The following CACNA2D3 variants were observed in gnomAD, a reference collection of about 807,000 sequenced individuals.
CACNA2D3 encodes calcium voltage-gated channel auxiliary subunit alpha2delta 3, also known as voltage-dependent calcium channel subunit alpha-2/delta-3.
A neutral mutation model predicts 160.6 loss-of-function variants in CACNA2D3; 60 were observed. The observed-to-expected ratio is 0.37, with a 90% CI of 0.30 to 0.46. The LOEUF is 0.46. CACNA2D3 is among the 20% of genes least tolerant of loss of function. The probability of loss-of-function intolerance (pLI) is 1.00; values close to 1 mark genes in which losing one functional copy is unlikely to be tolerated. For synonymous variants in CACNA2D3, 558 were observed against 492.9 expected (o/e 1.13, Z -1.75); for missense variants, 1,205 against 1,365.0 (o/e 0.88, Z 1.85).
At chr3:54,840,875 A>G (rs1055206931) in intron 16 of CACNA2D3, among the ~76,000 whole-genome samples, 26 of 150,670 alleles carry the variant, frequency 1.7e-4, no homozygotes, top group Admixed American at 4.6e-4. Context: ...GGTGCCCGCC[A>G]CCACACCTGG....
chr3:54,169,753 G>GTGTGTT (rs1046004177), intron 2 of CACNA2D3, among the ~76,000 whole-genome samples: 2 of 152,026 alleles, frequency 1.3e-5, no homozygotes, highest in African/African-American at 2.4e-5. Context: ...GTGCATGTGT[G>GTGTGTT]TGTGTTTGTG....
chr3:54,386,852 T>G, intron 4 of CACNA2D3, 78 bp downstream of exon 4: 1 of 1,320,428 alleles, frequency 7.6e-7, no homozygotes. Context: ...CCAGGAATAC[T>G]GATTTTTCAG....
intron 9 of CACNA2D3, among the ~76,000 whole-genome samples, chr3:54,605,569 C>A (rs996946718): frequency 1.3e-5 from 2 of 152,296 alleles, no homozygotes; most frequent in Non-Finnish European, 2.9e-5. Context: ...CTCACCCAAC[C>A]CACCATACAG....
chr3:54,497,541 C>G (rs1355843828), intron 4 of CACNA2D3, among the ~76,000 whole-genome samples: 1 of 151,896 alleles, frequency 6.6e-6, no homozygotes, highest in Admixed American at 6.6e-5. Context: ...TAGACAAAAT[C>G]TATGTAGAAA....
chr3:55,018,402 C>A, intron 35 of CACNA2D3, 85 bp downstream of exon 35: 2 of 769,030 alleles, frequency 2.6e-6, no homozygotes, highest in Non-Finnish European at 4.6e-6. Flanking sequence ...GACTTGCAGG[C>A]ACAGTTACAC....
intron 31 of CACNA2D3, among the ~76,000 whole-genome samples, chr3:54,992,628 G>A (rs992146276): frequency 6.6e-6 from 1 of 152,004 alleles, no homozygotes; most frequent in African/African-American, 2.4e-5. Flanking sequence ...AGAGCCCCCA[G>A]CCCATCTTTT....
intron 2 of CACNA2D3, among the ~76,000 whole-genome samples, chr3:54,193,011 C>G (rs1399609927): frequency 1.3e-5 from 2 of 152,214 alleles, no homozygotes; most frequent in African/African-American, 4.8e-5. Context: ...GATGAGGAGG[C>G]TATTCATGAT....
At chr3:54,657,373 G>C (rs1699892028) in intron 11 of CACNA2D3, among the ~76,000 whole-genome samples, 1 of 152,010 alleles carries the variant, frequency 6.6e-6, no homozygotes, top group African/African-American at 2.4e-5. Flanking sequence ...TTGTTTTTGT[G>C]ATTAGAACAC....
intron 5 of CACNA2D3, among the ~76,000 whole-genome samples, chr3:54,561,509 A>G (rs758342596): frequency 6.6e-6 from 1 of 152,226 alleles, no homozygotes; most frequent in Non-Finnish European, 1.5e-5. Context: ...GTATAGGATC[A>G]TGTCATCTGT....
intron 11 of CACNA2D3, among the ~76,000 whole-genome samples, chr3:54,658,889 C>T (rs186080392): frequency 6.6e-6 from 1 of 152,166 alleles, no homozygotes; most frequent in Non-Finnish European, 1.5e-5. Context: ...TCAACTGCTG[C>T]CCCCTCATGC....
chr3:54,786,450 C>T (rs989182786), intron 13 of CACNA2D3, among the ~76,000 whole-genome samples: 1 of 152,144 alleles, frequency 6.6e-6, no homozygotes, highest in African/African-American at 2.4e-5. Context: ...CTTCTGGAGT[C>T]CCCTCCCTGC....
chr3:54,538,252 G>A (rs1489947561), intron 5 of CACNA2D3, among the ~76,000 whole-genome samples: 1 of 152,132 alleles, frequency 6.6e-6, no homozygotes, highest in Non-Finnish European at 1.5e-5. Context: ...AAGTTAAATT[G>A]ATGTGGACAT....
At chr3:54,886,488 G>T (rs2694116) in intron 23 of CACNA2D3, among the ~76,000 whole-genome samples, 119,061 of 152,114 alleles carry the variant, frequency 0.78, 47,500 homozygotes, top group African/African-American at 0.93. Context: ...TTATGCAGTC[G>T]TAATATTTTG....
At chr3:54,402,901 C>G (rs928967296) in intron 4 of CACNA2D3, among the ~76,000 whole-genome samples, 29 of 152,216 alleles carry the variant, frequency 1.9e-4, no homozygotes, top group African/African-American at 6.5e-4. Flanking sequence ...TCTTAACAAA[C>G]TTAAGAAGAT....
At chr3:54,748,748 G>T (rs1042771036) in intron 11 of CACNA2D3, among the ~76,000 whole-genome samples, 3 of 152,134 alleles carry the variant, frequency 2.0e-5, no homozygotes, top group African/African-American at 7.2e-5. Flanking sequence ...GACCACCCCA[G>T]ATTTGGCTCT....
At chr3:54,970,483 CTCCCT>C (rs1702247995) in intron 29 of CACNA2D3, among the ~76,000 whole-genome samples, 1 of 88,634 alleles carries the variant, frequency 1.1e-5, no homozygotes. Flanking sequence ...CACCCCTCTC[CTCCCT>C]TCCCCTCCCC....
chr3:54,472,091 GA>G (rs1473716598), intron 4 of CACNA2D3, among the ~76,000 whole-genome samples: 1 of 151,818 alleles, frequency 6.6e-6, no homozygotes, highest in African/African-American at 2.4e-5. Context: ...AGAGACACAA[GA>G]AAAAAAGAAA....
intron 8 of CACNA2D3, among the ~76,000 whole-genome samples, chr3:54,571,599 GAGCACTTAA>G (rs1377858576): frequency 6.7e-6 from 1 of 149,218 alleles, no homozygotes; most frequent in Non-Finnish European, 1.5e-5. Context: ...TTGAGTCCTT[GAGCACTTAA>G]CCAAGTGTGT....
intron 2 of CACNA2D3, among the ~76,000 whole-genome samples, chr3:54,166,819 A>G (rs1355240275): frequency 6.6e-6 from 1 of 152,232 alleles, no homozygotes; most frequent in Non-Finnish European, 1.5e-5. Context: ...GGAGAGAGGA[A>G]GATTGCAGAC....
Sources: allele counts gnomAD v4.1 joint callset (sites outside exome capture counted in the v4.1 genomes callset), GRCh38; gene constraint gnomAD v4.1.1; transcripts MANE v1.5; gene names NCBI Gene and HGNC (gene_info 2026-07-23, HGNC 2026-07-21).